The following LRRC42 variants were observed in gnomAD, a reference collection of about 807,000 sequenced individuals.
The protein encoded by LRRC42 is leucine rich repeat containing 42.
Under a neutral mutation model 44.3 loss-of-function variants are expected in LRRC42, and 43 were observed. That is an observed-to-expected ratio of 0.97 (90% CI 0.76 to 1.25). LRRC42 has a LOEUF of 1.25. LRRC42 is among the 50% of genes most tolerant of loss of function. The pLI, the probability that LRRC42 is intolerant of heterozygous loss-of-function variation, is 0.00. For synonymous variants in LRRC42, 207 were observed against 195.2 expected (o/e 1.06, Z -0.50); for missense variants, 540 against 509.1 (o/e 1.06, Z -0.58).
chr1:53,958,333 C>T (rs184984449), intron 4 of LRRC42, 53 bp downstream of exon 4: 4 of 1,597,852 alleles, frequency 2.5e-6, no homozygotes, highest in Admixed American at 1.7e-5. Context: ...GTTTTAAAGG[C>T]TGATCCAACA....
At chr1:53,953,737 CT>C (rs1274718786) in intron 3 of LRRC42, among the ~76,000 whole-genome samples, 115 of 141,696 alleles carry the variant, frequency 8.1e-4, no homozygotes, top group Non-Finnish European at 7.3e-4. Flanking sequence ...AGGTAGCTTA[CT>C]TTTTTTTTTT....
chr1:53,957,863 A>ACAAAG (rs1233562062), intron 3 of LRRC42, among the ~76,000 whole-genome samples: 5 of 152,230 alleles, frequency 3.3e-5, no homozygotes, highest in Non-Finnish European at 7.3e-5. Context: ...CTGCCTGATA[A>ACAAAG]CAAAGCAGGT....
intron 3 of LRRC42, 152 bp from the exon 4 acceptor site, chr1:53,957,997 C>T (rs988558292): frequency 2.5e-6 from 2 of 804,622 alleles, no homozygotes; most frequent in African/African-American, 3.5e-5. Flanking sequence ...AAAAATTCAG[C>T]CTTTGCCCTG....
intron 2 of LRRC42, among the ~76,000 whole-genome samples, chr1:53,951,317 T>C (rs563967275): frequency 3.4e-4 from 52 of 152,396 alleles, no homozygotes; most frequent in Admixed American, 5.9e-4. Flanking sequence ...TCCAATTGTT[T>C]TGCTAATATA....
chr1:53,949,630 C>A (rs960058907), intron 2 of LRRC42, among the ~76,000 whole-genome samples: 9 of 152,180 alleles, frequency 5.9e-5, no homozygotes, highest in African/African-American at 2.2e-4. Flanking sequence ...AGGAACAGCT[C>A]AGAATAAATG....
chr1:53,964,954 A>G (rs577582321), intron 7 of LRRC42, among the ~76,000 whole-genome samples: 4 of 151,536 alleles, frequency 2.6e-5, no homozygotes, highest in Non-Finnish European at 5.9e-5. Context: ...CCAAAGTGCA[A>G]AGATTACAGA....
chr1:53,948,589 T>C (rs1216081927), intron 2 of LRRC42, among the ~76,000 whole-genome samples: 1 of 152,234 alleles, frequency 6.6e-6, no homozygotes, highest in Non-Finnish European at 1.5e-5. Context: ...ACTATCAAAA[T>C]GTCGCTGTTA....
chr1:53,967,112 TATC>T (rs1474658936), intron 8 of LRRC42, among the ~76,000 whole-genome samples: 2 of 152,226 alleles, frequency 1.3e-5, no homozygotes, highest in Non-Finnish European at 2.9e-5. Context: ...ATGTATATTT[TATC>T]ATGATTTTAA....
Position 53,967,812 on chromosome 1 carries a change from A to T in LRRC42, c.1160A>T (p.Glu387Val), listed in dbSNP as rs1655168541. Reference protein sequence around the residue: ...VLKHEAISSQESKKSKKRPFE... With the variant: ...VLKHEAISSQVSKKSKKRPFE... ...AAACACGAAGCTATCTCAAGCCAGG[A>T]GTCAAAGAAGAGCAAGAAGAGACCT... Residue 387 changes from glutamate to valine, a missense_variant, in exon 9 of 9, where the codon GAG becomes GTG. Transcript: ENST00000371370. 6.2e-7 allele frequency: 1 copy of T among 1,614,098 alleles called. No individual in the cohort carries two copies. The highest frequency in any genetic ancestry group is 1.1e-5 in the South Asian group (1 of 91,082).
At chr1:53,946,705 G>C (rs913700944) in intron 1 of LRRC42, among the ~76,000 whole-genome samples, 156 bp downstream of exon 1, 5 of 151,620 alleles carry the variant, frequency 3.3e-5, no homozygotes, top group African/African-American at 1.2e-4. Context: ...TGGTGGGGGC[G>C]ATGGGTTTAA....
rs771489656 is a variant in LRRC42 at position 53,966,314 on chromosome 1, C to A, written c.946C>A (p.Arg316Ser). 8.1e-6 allele frequency: 13 copies of A among 1,612,898 alleles called. No homozygotes were observed. The highest frequency in any genetic ancestry group is 1.0e-5 in the Non-Finnish European group (12 of 1,179,042). Reference sequence around the variant, plus strand: ...GTTTCAGATCGTTCTGCAGTGGGAGCGTGTGACTGCGGAAGCTGTGAAGCC... The same window carrying A: ...GTTTCAGATCGTTCTGCAGTGGGAGAGTGTGACTGCGGAAGCTGTGAAGCC... ...WADQIVLQWERVTAEAVKPRE... is the reference protein window; with the variant it reads ...WADQIVLQWESVTAEAVKPRE... Residue 316 changes from arginine to serine, a missense_variant, in exon 8 of 9, where the codon CGT becomes AGT. Coordinates refer to ENST00000371370, the MANE Select transcript of LRRC42 (RefSeq NM_001256409.2).
At position 53,967,799 on chromosome 1, in the gene LRRC42, A is replaced by G. The variant is rs776609888; in HGVS notation, c.1147A>G (p.Ile383Val). The change falls in exon 9 of 9, where the codon ATC becomes GTC. Residue 383 changes from isoleucine to valine, a missense_variant. Transcript: ENST00000371370. ...CHGPVLKHEA[I>V]SSQESKKSKK... ...TGGGCCAGTGTTGAAACACGAAGCT[A>G]TCTCAAGCCAGGAGTCAAAGAAGAG... The G allele has an allele frequency of 7.4e-6, 12 of 1,614,098 alleles. No individual in the cohort carries two copies. Among genetic ancestry groups the G allele is most frequent in the African/African-American group, 1.3e-5 (1 of 74,942 alleles).
chr1:53,957,269 G>A (rs1044113913), intron 3 of LRRC42, among the ~76,000 whole-genome samples: 1 of 152,178 alleles, frequency 6.6e-6, no homozygotes, highest in Non-Finnish European at 1.5e-5. Flanking sequence ...CAAGAGGAAG[G>A]TGGATGAGAG....
chr1:53,948,472 A>G (rs1484464416), intron 2 of LRRC42, among the ~76,000 whole-genome samples: 2 of 152,246 alleles, frequency 1.3e-5, no homozygotes, highest in Non-Finnish European at 2.9e-5. Flanking sequence ...ACTTCGTGGT[A>G]ACTTTGGCTC....
chr1:53,947,408 A>G (rs1474498248), intron 1 of LRRC42, among the ~76,000 whole-genome samples: 1 of 152,146 alleles, frequency 6.6e-6, no homozygotes, highest in Non-Finnish European at 1.5e-5. Flanking sequence ...AGGAAAGTGC[A>G]TATTATAGGA....
At chr1:53,958,073 T>C in intron 3 of LRRC42, 76 bp from the exon 4 acceptor site, 2 of 1,580,914 alleles carry the variant, frequency 1.3e-6, no homozygotes, top group Admixed American at 1.7e-5. Context: ...GGATATTGAC[T>C]ATGATACAAA....
chr1:53,962,781 C>T (rs886129988), intron 7 of LRRC42, among the ~76,000 whole-genome samples: 10 of 152,158 alleles, frequency 6.6e-5, no homozygotes, highest in South Asian at 2.1e-4. Context: ...GAATAAACTC[C>T]GGTGTCATGC....
intron 7 of LRRC42, among the ~76,000 whole-genome samples, chr1:53,963,799 C>T (rs973311959): frequency 1.3e-5 from 2 of 152,216 alleles, no homozygotes; most frequent in South Asian, 2.1e-4. Flanking sequence ...TTTCTTCAAC[C>T]GTATTACACT....
At chr1:53,956,918 A>T (rs1654857250) in intron 3 of LRRC42, among the ~76,000 whole-genome samples, 1 of 152,230 alleles carries the variant, frequency 6.6e-6, no homozygotes, top group South Asian at 2.1e-4. Context: ...GGTGGAAAAC[A>T]GCAGCTTTAT....
Sources: allele counts gnomAD v4.1 joint callset (sites outside exome capture counted in the v4.1 genomes callset), GRCh38; gene constraint gnomAD v4.1.1; transcripts MANE v1.5; gene names NCBI Gene and HGNC (gene_info 2026-07-23, HGNC 2026-07-21).